The following FBXL17 variants were observed in gnomAD, a reference collection of about 807,000 sequenced individuals.
FBXL17 encodes F-box/LRR-repeat protein 17.
FBXL17 carries 22 observed loss-of-function variants against 66.2 expected under a neutral mutation model. That is an observed-to-expected ratio of 0.33 (90% CI 0.24 to 0.47). The LOEUF is 0.47. FBXL17 is among the 20% of genes least tolerant of loss of function. The pLI, the probability that FBXL17 is intolerant of heterozygous loss-of-function variation, is 1.00. For missense variants in FBXL17, 878 were observed against 948.2 expected (o/e 0.93, Z 0.97); for synonymous variants, 474 against 400.5 (o/e 1.18, Z -2.19).
chr5:108,051,003 C>T lies in FBXL17; in HGVS notation c.1746-30002G>A, dbSNP rs373600439. On this transcript the variant is annotated intron_variant, in intron 6 of 8. Transcript: ENST00000542267. ...AAAATCTAGAAGAAATGCATAAATT[C>T]TTGGACAGATACACCTTCCAAAGAC... 2.4e-4 allele frequency among the ~76,000 whole-genome samples: 37 copies of T among 152,260 alleles called. No homozygotes were observed. In the South Asian group the frequency reaches 7.3e-3, roughly 30 times the overall value.
intron 7 of FBXL17, among the ~76,000 whole-genome samples, chr5:107,988,260 A>G (rs1038401583): frequency 1.9e-4 from 29 of 152,016 alleles, no homozygotes; most frequent in African/African-American, 6.8e-4. Context: ...AGAGTCTAGC[A>G]AGATATCTCC....
chr5:108,331,892 A>G (rs1054298682), intron 4 of FBXL17, among the ~76,000 whole-genome samples: 4 of 152,362 alleles, frequency 2.6e-5, no homozygotes, highest in African/African-American at 7.2e-5. Context: ...AATTCAAGGG[A>G]CCAACATATA....
intron 4 of FBXL17, among the ~76,000 whole-genome samples, chr5:108,290,179 A>C (rs1164978129): frequency 6.6e-6 from 1 of 152,202 alleles, no homozygotes; most frequent in Non-Finnish European, 1.5e-5. Context: ...TTAGTGGTAC[A>C]TAAATTAATA....
At chr5:108,198,030 G>C (rs959318279) in intron 5 of FBXL17, among the ~76,000 whole-genome samples, 4 of 152,136 alleles carry the variant, frequency 2.6e-5, no homozygotes, top group Non-Finnish European at 4.4e-5. Flanking sequence ...TAGTGCACAG[G>C]ATGATAACCA....
At chr5:108,299,374 A>G (rs1011632632) in intron 4 of FBXL17, 3 of 983,776 alleles carry the variant, frequency 3.0e-6, no homozygotes, top group South Asian at 9.4e-5. Context: ...CAGTTTTCAA[A>G]CTACGTTTTC....
chr5:108,347,960 A>C (rs1019950266), intron 4 of FBXL17, among the ~76,000 whole-genome samples: 2 of 152,180 alleles, frequency 1.3e-5, no homozygotes, highest in Non-Finnish European at 2.9e-5. Context: ...AACTTATTGA[A>C]TCCCATTTTT....
chr5:108,343,158 T>C (rs1747003312), intron 4 of FBXL17, among the ~76,000 whole-genome samples: 2 of 152,192 alleles, frequency 1.3e-5, no homozygotes, highest in South Asian at 4.1e-4. Context: ...TCCAGATCTG[T>C]GACAAACACA....
intron 3 of FBXL17, among the ~76,000 whole-genome samples, chr5:108,356,317 C>G (rs923873125): frequency 6.6e-6 from 1 of 152,060 alleles, no homozygotes; most frequent in African/African-American, 2.4e-5. Flanking sequence ...ATCCAGCAAT[C>G]ATGTACCTTG....
chr5:108,358,060 T>C (rs1000254497), intron 3 of FBXL17, among the ~76,000 whole-genome samples: 2 of 152,134 alleles, frequency 1.3e-5, no homozygotes, highest in African/African-American at 2.4e-5. Context: ...AATCACTTAT[T>C]AGTTCAAATG....
At chr5:108,136,260 T>C (rs1332577826) in intron 6 of FBXL17, among the ~76,000 whole-genome samples, 1 of 152,142 alleles carries the variant, frequency 6.6e-6, no homozygotes, top group African/African-American at 2.4e-5. Context: ...TGGTTAATGT[T>C]CCTTGAATCA....
At chr5:108,260,245 T>C (rs914275727) in intron 4 of FBXL17, among the ~76,000 whole-genome samples, 4 of 152,022 alleles carry the variant, frequency 2.6e-5, no homozygotes, top group African/African-American at 7.2e-5. Flanking sequence ...TTAAGGACTC[T>C]TGTGAAGTGA....
intron 4 of FBXL17, among the ~76,000 whole-genome samples, chr5:108,244,381 C>T (rs1461428077): frequency 6.6e-6 from 1 of 152,090 alleles, no homozygotes; most frequent in Non-Finnish European, 1.5e-5. Context: ...GTCTAGGTTG[C>T]AATCCAGCTC....
intron 7 of FBXL17, among the ~76,000 whole-genome samples, chr5:107,908,747 G>A (rs1215627763): frequency 6.6e-6 from 1 of 152,170 alleles, no homozygotes; most frequent in Non-Finnish European, 1.5e-5. Flanking sequence ...GGAGTTCAAT[G>A]AGCATATGAG....
chr5:108,276,307 C>T (rs1240449459), intron 4 of FBXL17, among the ~76,000 whole-genome samples: 1 of 152,166 alleles, frequency 6.6e-6, no homozygotes, highest in African/African-American at 2.4e-5. Context: ...TGATGATCTA[C>T]ACAACATTCA....
chr5:107,916,581 T>C (rs1372248779), intron 7 of FBXL17, among the ~76,000 whole-genome samples: 1 of 146,966 alleles, frequency 6.8e-6, no homozygotes, highest in Admixed American at 7.4e-5. Context: ...ATAGACATTA[T>C]GTTTAATCAT....
chr5:107,941,878 G>A (rs1022879958), intron 7 of FBXL17, among the ~76,000 whole-genome samples: 1 of 152,182 alleles, frequency 6.6e-6, no homozygotes, highest in South Asian at 2.1e-4. Context: ...TAGAAAAGAA[G>A]GTGACAGAAT....
chr5:107,904,431 A>C (rs1277670184), intron 7 of FBXL17, among the ~76,000 whole-genome samples: 1 of 152,142 alleles, frequency 6.6e-6, no homozygotes, highest in East Asian at 1.9e-4. Flanking sequence ...ACCAAGTCTA[A>C]CTGGTTTCTT....
In FBXL17 at chr5:107,861,024, A is replaced by G. The variant is rs927338085; in HGVS notation, c.*696T>C. The G allele has an allele frequency of 6.6e-6, 1 of 152,232 alleles. No homozygotes were observed. Among genetic ancestry groups the G allele is most frequent in the African/African-American group, 2.4e-5 (1 of 41,456 alleles). The allele number at this position is 152,232 out of a possible 1,614,324, so 9.4% of individuals were successfully genotyped here. ...TGCATTTGTAGAATAATGTATAATT[A>G]ACTTTCGTGAGCTGGCCAGGAGAGT... On this transcript the variant is annotated 3_prime_UTR_variant, in exon 9 of 9. Coordinates refer to ENST00000542267, the MANE Select transcript of FBXL17 (RefSeq NM_001163315.3).
At chr5:108,125,250 T>C (rs1412570288) in intron 6 of FBXL17, among the ~76,000 whole-genome samples, 2 of 152,068 alleles carry the variant, frequency 1.3e-5, no homozygotes, top group Admixed American at 1.3e-4. Context: ...TATACGCCTA[T>C]ATCAAAATAT....
Sources: allele counts gnomAD v4.1 joint callset (sites outside exome capture counted in the v4.1 genomes callset), GRCh38; gene constraint gnomAD v4.1.1; transcripts MANE v1.5; gene names NCBI Gene and HGNC (gene_info 2026-07-23, HGNC 2026-07-21).